ASTN1: variants seen among roughly 807,000 people sequenced by gnomAD.
The protein encoded by ASTN1 is astrotactin-1.
In ASTN1, 41 loss-of-function variants were observed where a neutral mutation model predicts 140.7. That is an observed-to-expected ratio of 0.29 (90% CI 0.23 to 0.38). The LOEUF is 0.38. ASTN1 is among the 10% of genes least tolerant of loss of function. ASTN1 has a pLI of 1.00. For synonymous variants in ASTN1, 640 were observed against 652.2 expected, an observed-to-expected ratio of 0.98 and a Z score of 0.29; for missense variants, 1,479 against 1,678.8, an observed-to-expected ratio of 0.88 and a Z score of 2.08.
intron 1 of ASTN1, among the ~76,000 whole-genome samples, chr1:177,125,680 A>G (rs899177832): frequency 6.6e-5 from 10 of 152,230 alleles, no homozygotes; most frequent in African/African-American, 2.4e-4. Context: ...AAATGACACC[A>G]AGTATATTAC....
chr1:176,900,151 T>C (rs752464346), intron 16 of ASTN1, among the ~76,000 whole-genome samples: 4 of 152,190 alleles, frequency 2.6e-5, no homozygotes, highest in Non-Finnish European at 5.9e-5. Context: ...AGTTCTCTAG[T>C]CCTTTACTAA....
At chr1:177,033,517 C>T (rs1198328800) in intron 2 of ASTN1, among the ~76,000 whole-genome samples, 1 of 152,168 alleles carries the variant, frequency 6.6e-6, no homozygotes, top group East Asian at 1.9e-4. Flanking sequence ...GAATAACTGG[C>T]CCAGCAGGAA....
intron 1 of ASTN1, among the ~76,000 whole-genome samples, chr1:177,119,890 GC>G (rs1681290861): frequency 6.6e-6 from 1 of 152,136 alleles, no homozygotes; most frequent in Admixed American, 6.5e-5. Context: ...AGCAGAGGCT[GC>G]CCCCTCAGTC....
chr1:176,961,910 C>T (rs1327859493), intron 9 of ASTN1, among the ~76,000 whole-genome samples: 1 of 152,182 alleles, frequency 6.6e-6, no homozygotes, highest in Non-Finnish European at 1.5e-5. Context: ...CAGCTGTGCA[C>T]TGAGTCCTGC....
intron 2 of ASTN1, among the ~76,000 whole-genome samples, chr1:177,037,387 C>T (rs147369777): frequency 3.3e-5 from 5 of 152,230 alleles, no homozygotes; most frequent in African/African-American, 1.2e-4. Context: ...AAGACCTCTA[C>T]TCAACATCTG....
chr1:177,095,724 C>CTCAAAGACTCCCCT (rs1679997309), intron 1 of ASTN1, among the ~76,000 whole-genome samples: 1 of 152,162 alleles, frequency 6.6e-6, no homozygotes. Context: ...ATGGAGGCAC[C>CTCAAAGACTCCCCT]TCAAAGACTC....
At chr1:177,087,362 C>T (rs114142693) in intron 1 of ASTN1, among the ~76,000 whole-genome samples, 82 of 152,262 alleles carry the variant, frequency 5.4e-4, no homozygotes, top group Non-Finnish European at 1.0e-3. Context: ...ATGTGGAAAT[C>T]GTCTTTCAGT....
At chr1:177,012,770 A>T (rs560510927) in intron 8 of ASTN1, among the ~76,000 whole-genome samples, 1 of 152,328 alleles carries the variant, frequency 6.6e-6, no homozygotes, top group South Asian at 2.1e-4. Flanking sequence ...AGAGATGTGG[A>T]GGCTTGAGTG....
At chr1:176,905,204 C>T (rs751894268) in intron 16 of ASTN1, among the ~76,000 whole-genome samples, 127 of 152,300 alleles carry the variant, frequency 8.3e-4, no homozygotes, top group Non-Finnish European at 1.5e-3. Context: ...CTTGCCCCAG[C>T]TCCACAGTAC....
intron 20 of ASTN1, among the ~76,000 whole-genome samples, 178 bp downstream of exon 20, chr1:176,882,681 C>T (rs75775267): frequency 0.054 from 8,185 of 152,168 alleles, 282 homozygotes; most frequent in African/African-American, 0.097. Flanking sequence ...TTCTAGATCC[C>T]CCCATTCCAG....
At chr1:177,020,951 T>A (rs1443190249) in intron 7 of ASTN1, among the ~76,000 whole-genome samples, 1 of 152,234 alleles carries the variant, frequency 6.6e-6, no homozygotes, top group African/African-American at 2.4e-5. Flanking sequence ...GGAAAGCACA[T>A]GTCCCAACAC....
intron 14 of ASTN1, among the ~76,000 whole-genome samples, chr1:176,937,382 C>A (rs1318737406): frequency 2.0e-5 from 3 of 152,196 alleles, no homozygotes; most frequent in Admixed American, 6.5e-5. Context: ...CGTGTGCTGT[C>A]TCCTTCTTAC....
At chr1:176,914,247 C>T (rs1401396293) in intron 16 of ASTN1, among the ~76,000 whole-genome samples, 3 of 152,244 alleles carry the variant, frequency 2.0e-5, no homozygotes, top group East Asian at 3.9e-4. Flanking sequence ...GTCAATCAGT[C>T]CTAAATTCTA....
intron 17 of ASTN1, among the ~76,000 whole-genome samples, chr1:176,892,115 T>C (rs1669294081): frequency 6.6e-6 from 1 of 152,164 alleles, no homozygotes; most frequent in South Asian, 2.1e-4. Context: ...GAGTATAAGA[T>C]ATAGAGTGGT....
intron 16 of ASTN1, among the ~76,000 whole-genome samples, chr1:176,898,592 G>A (rs1394843984): frequency 1.3e-5 from 2 of 152,354 alleles, no homozygotes; most frequent in East Asian, 1.9e-4. Context: ...CATCACGTCT[G>A]TGGTAAGTGA....
At chr1:177,028,881 C>T (rs894990220) in intron 5 of ASTN1, among the ~76,000 whole-genome samples, 7 of 152,198 alleles carry the variant, frequency 4.6e-5, no homozygotes, top group African/African-American at 1.7e-4. Flanking sequence ...TTATCCAGTA[C>T]CACACAGCAA....
chr1:176,978,058 T>G (rs1673441448), intron 8 of ASTN1, among the ~76,000 whole-genome samples: 1 of 152,082 alleles, frequency 6.6e-6, no homozygotes. Context: ...AGCTTTAAGC[T>G]TCGAAGGATG....
chr1:177,096,754 A>C (rs1680044479), intron 1 of ASTN1, among the ~76,000 whole-genome samples: 1 of 152,090 alleles, frequency 6.6e-6, no homozygotes, highest in Non-Finnish European at 1.5e-5. Flanking sequence ...ACCTTCTACC[A>C]TCATGGTGAG....
At chr1:177,151,110 G>C (rs765806976) in intron 1 of ASTN1, among the ~76,000 whole-genome samples, 9 of 152,114 alleles carry the variant, frequency 5.9e-5, no homozygotes, top group Non-Finnish European at 1.0e-4. Context: ...GTAGTTAGGA[G>C]AGGCAGAAGA....
Sources: allele counts gnomAD v4.1 joint callset (sites outside exome capture counted in the v4.1 genomes callset), GRCh38; gene constraint gnomAD v4.1.1; transcripts MANE v1.5; gene names NCBI Gene and HGNC (gene_info 2026-07-23, HGNC 2026-07-21).